Variants in SLC16A1 observed in about 807,000 individuals in gnomAD.
SLC16A1 encodes solute carrier family 16 member 1.
SLC16A1 carries 11 observed loss-of-function variants against 32.2 expected under a neutral mutation model. The observed-to-expected ratio is 0.34, with a 90% CI of 0.21 to 0.56. SLC16A1 has a LOEUF of 0.56. Ranked by LOEUF, SLC16A1 falls within the 20% of genes least tolerant of loss-of-function variation. The probability of loss-of-function intolerance (pLI) is 0.87; values close to 1 mark genes in which losing one functional copy is unlikely to be tolerated. For synonymous variants in SLC16A1, 231 were observed against 226.8 expected, an observed-to-expected ratio of 1.02 and a Z score of -0.17; for missense variants, 435 against 615.0, an observed-to-expected ratio of 0.71 and a Z score of 3.10.
At chr1:112,924,953 TG>T (rs1392851477) in intron 2 of SLC16A1, among the ~76,000 whole-genome samples, 1 of 152,140 alleles carries the variant, frequency 6.6e-6, no homozygotes, top group African/African-American at 2.4e-5. Context: ...TTAAGTTTCA[TG>T]GTAGTACAAT....
chr1:112,939,323 T>G (rs746266835), intron 1 of SLC16A1, among the ~76,000 whole-genome samples: 37 of 152,104 alleles, frequency 2.4e-4, no homozygotes, highest in South Asian at 4.1e-4. Flanking sequence ...AATATGAAGA[T>G]TCTTCAAAAA....
intron 1 of SLC16A1, among the ~76,000 whole-genome samples, chr1:112,951,780 C>T (rs1336616813): frequency 1.3e-5 from 2 of 152,008 alleles, no homozygotes; most frequent in Non-Finnish European, 2.9e-5. Context: ...TACCTCAATA[C>T]ATTTAAATAC....
At chr1:112,938,945 C>T (rs906325622) in intron 1 of SLC16A1, among the ~76,000 whole-genome samples, 1 of 150,618 alleles carries the variant, frequency 6.6e-6, no homozygotes. Context: ...GGCTGGAGTA[C>T]AATGGCGCGA....
At chr1:112,941,422 C>T (rs572959290) in intron 1 of SLC16A1, among the ~76,000 whole-genome samples, 11 of 152,058 alleles carry the variant, frequency 7.2e-5, no homozygotes, top group African/African-American at 2.4e-4. Flanking sequence ...GCTGGGATTA[C>T]AGGCATGCTG....
At chr1:112,945,180 G>T (rs1387365741) in intron 1 of SLC16A1, among the ~76,000 whole-genome samples, 2 of 151,582 alleles carry the variant, frequency 1.3e-5, no homozygotes, top group African/African-American at 4.8e-5. Context: ...TGTATTTTTA[G>T]TAAGGGTAGG....
intron 1 of SLC16A1, among the ~76,000 whole-genome samples, chr1:112,935,362 T>C (rs569271850): frequency 4.6e-5 from 7 of 152,052 alleles, no homozygotes; most frequent in Admixed American, 1.3e-4. Context: ...TGAGCTGAGA[T>C]TGCACTACTG....
At chr1:112,932,575 G>A (rs1263342390) in intron 1 of SLC16A1, among the ~76,000 whole-genome samples, 4 of 151,820 alleles carry the variant, frequency 2.6e-5, no homozygotes, top group Non-Finnish European at 5.9e-5. Context: ...AGGCTGAGGC[G>A]GGCGGATCAC....
At chr1:112,937,945 A>G (rs1008391012) in intron 1 of SLC16A1, among the ~76,000 whole-genome samples, 1 of 152,054 alleles carries the variant, frequency 6.6e-6, no homozygotes, top group Non-Finnish European at 1.5e-5. Context: ...ATTTTCTGAT[A>G]TTTTTTTCTC....
chr1:112,950,975 C>T (rs375853612), intron 1 of SLC16A1, among the ~76,000 whole-genome samples: 3 of 151,084 alleles, frequency 2.0e-5, no homozygotes, highest in Non-Finnish European at 2.9e-5. Flanking sequence ...CCAGCCTGGG[C>T]GACAGAGTGA....
At chr1:112,947,994 G>A (rs546356515) in intron 1 of SLC16A1, among the ~76,000 whole-genome samples, 9 of 152,240 alleles carry the variant, frequency 5.9e-5, no homozygotes, top group African/African-American at 1.4e-4. Context: ...CAAGGTGGGC[G>A]GATCACCTGA....
chr1:112,918,094 AAATAAATAAT>A, intron 3 of SLC16A1, 50 bp from the exon 4 acceptor site: 1 of 1,090,316 alleles, frequency 9.2e-7, no homozygotes, highest in Non-Finnish European at 1.2e-6. Flanking sequence ...ATAAATAAAT[AAATAAATAAT>A]AAGAGGTATA....
At chr1:112,935,596 T>C (rs1400413642) in intron 1 of SLC16A1, among the ~76,000 whole-genome samples, 1 of 152,074 alleles carries the variant, frequency 6.6e-6, no homozygotes, top group Non-Finnish European at 1.5e-5. Flanking sequence ...AATGGGACTT[T>C]GGAAAAAGAG....
At chr1:112,924,071 C>A in intron 2 of SLC16A1, 1 of 1,295,082 alleles carries the variant, frequency 7.7e-7, no homozygotes, top group Non-Finnish European at 1.1e-6. Context: ...AGAAGCACCA[C>A]TTCGATGGCA....
chr1:112,926,862 G>C (rs1648958600), intron 2 of SLC16A1, among the ~76,000 whole-genome samples: 1 of 151,166 alleles, frequency 6.6e-6, no homozygotes, highest in Non-Finnish European at 1.5e-5. Flanking sequence ...CTGAGTGACA[G>C]AGTGAGAAAC....
chr1:112,934,054 A>G (rs573527821), intron 1 of SLC16A1, among the ~76,000 whole-genome samples: 5 of 152,248 alleles, frequency 3.3e-5, no homozygotes, highest in Non-Finnish European at 7.3e-5. Context: ...ATGAATTTTA[A>G]AAGCGTTCTG....
At chr1:112,943,314 A>AG (rs2101647025) in intron 1 of SLC16A1, among the ~76,000 whole-genome samples, 1 of 152,182 alleles carries the variant, frequency 6.6e-6, no homozygotes, top group East Asian at 1.9e-4. Flanking sequence ...CCAGCTACTC[A>AG]GAAGACTCTC....
intron 1 of SLC16A1, among the ~76,000 whole-genome samples, chr1:112,949,190 C>T (rs1210343263): frequency 2.6e-5 from 4 of 152,108 alleles, no homozygotes; most frequent in African/African-American, 9.7e-5. Context: ...GCTGGGATTA[C>T]AGGCATGCGT....
intron 4 of SLC16A1, chr1:112,916,962 A>G (rs1648533683): frequency 1.5e-6 from 1 of 655,444 alleles, no homozygotes; most frequent in East Asian, 2.8e-5. Flanking sequence ...ATTTGTAACA[A>G]TATTTGATCC....
At chr1:112,914,495 G>C (rs2101618581) in intron 4 of SLC16A1, among the ~76,000 whole-genome samples, 1 of 152,308 alleles carries the variant, frequency 6.6e-6, no homozygotes, top group Middle Eastern at 3.4e-3. Flanking sequence ...AAAGAGGCTT[G>C]GGAGTCTTGT....
Sources: gnomAD v4.1 joint callset for allele counts (sites outside exome capture counted in the v4.1 genomes callset) on GRCh38, gnomAD v4.1.1 for gene constraint, MANE v1.5 for transcripts, NCBI Gene and HGNC (gene_info 2026-07-23, HGNC 2026-07-21) for gene names.